The following LUZP2 variants were observed in gnomAD, a reference collection of about 807,000 sequenced individuals.
The protein encoded by LUZP2 is leucine zipper protein 2.
LUZP2 carries 52 observed loss-of-function variants against 51.6 expected under a neutral mutation model. The ratio of observed to expected loss-of-function variants is 1.01; its 90% CI spans 0.81 to 1.27. The LOEUF is 1.27. LUZP2 is among the 50% of genes most tolerant of loss of function. The pLI, the probability that LUZP2 is intolerant of heterozygous loss-of-function variation, is 0.00. For missense variants in LUZP2, 436 were observed against 395.4 expected (o/e 1.10, Z -0.87); for synonymous variants, 154 against 137.3 (o/e 1.12, Z -0.85).
chr11:24,651,434 A>G (rs1438666763), intron 1 of LUZP2, among the ~76,000 whole-genome samples: 2 of 152,116 alleles, frequency 1.3e-5, no homozygotes, highest in Admixed American at 6.6e-5. Context: ...CTTATTAGTT[A>G]TATTCCATTC....
chr11:24,981,828 A>T (rs1856040076), intron 8 of LUZP2, among the ~76,000 whole-genome samples: 1 of 151,992 alleles, frequency 6.6e-6, no homozygotes, highest in Admixed American at 6.6e-5. Flanking sequence ...CAGACAACCT[A>T]TAGAATAGGT....
intron 7 of LUZP2, among the ~76,000 whole-genome samples, chr11:24,948,747 T>C (rs1854974393): frequency 6.6e-6 from 1 of 151,650 alleles, no homozygotes; most frequent in African/African-American, 2.4e-5. Flanking sequence ...GATCCAGAAG[T>C]ATTTCTTCCA....
chr11:24,956,016 A>G (rs1855200604), intron 7 of LUZP2, among the ~76,000 whole-genome samples: 1 of 152,066 alleles, frequency 6.6e-6, no homozygotes, highest in Non-Finnish European at 1.5e-5. Context: ...AGTTGCAGCA[A>G]TCTAGTCAAG....
intron 1 of LUZP2, among the ~76,000 whole-genome samples, chr11:24,681,816 G>A (rs1856745758): frequency 6.6e-6 from 1 of 152,082 alleles, no homozygotes; most frequent in Non-Finnish European, 1.5e-5. Flanking sequence ...CATTAGTTCA[G>A]CAAGCATCAC....
At chr11:24,962,154 A>G (rs6484087) in intron 7 of LUZP2, among the ~76,000 whole-genome samples, 151,089 of 152,164 alleles carry the variant, frequency 0.99, 75,028 homozygotes, top group Middle Eastern at 1. Flanking sequence ...TGGGTAACCC[A>G]ACCTTTCTCT....
chr11:25,063,165 A>G (rs1261452322), intron 10 of LUZP2, among the ~76,000 whole-genome samples: 1 of 151,834 alleles, frequency 6.6e-6, no homozygotes, highest in African/African-American at 2.4e-5. Context: ...ATATAGTGTA[A>G]CAACTATTTA....
chr11:24,850,222 G>T (rs1279639041), intron 5 of LUZP2, among the ~76,000 whole-genome samples: 2 of 152,146 alleles, frequency 1.3e-5, no homozygotes, highest in Non-Finnish European at 2.9e-5. Context: ...GAATGGTATT[G>T]CCTAGGTTTT....
chr11:24,836,656 A>T lies in LUZP2; in HGVS notation c.397-69335A>T, dbSNP rs147194865. 3.2e-4 allele frequency among the ~76,000 whole-genome samples: 49 copies of T among 152,014 alleles called. No individual in the cohort carries two copies. In the East Asian group the frequency reaches 9.3e-3, roughly 29 times the overall value. ...ACATCACAATAGCCAAAGTTAAGAG[A>T]TACTACACAAGGGAACTGATTTGTA... On this transcript the variant is annotated intron_variant, in intron 5 of 11. Transcript: ENST00000336930.
At chr11:24,974,900 A>T (rs919865097) in intron 7 of LUZP2, among the ~76,000 whole-genome samples, 3 of 152,016 alleles carry the variant, frequency 2.0e-5, no homozygotes, top group African/African-American at 7.2e-5. Flanking sequence ...TTATGGTAAA[A>T]CATATGATTT....
At chr11:24,549,944 T>C (rs1851676474) in intron 1 of LUZP2, among the ~76,000 whole-genome samples, 1 of 152,038 alleles carries the variant, frequency 6.6e-6, no homozygotes, top group African/African-American at 2.4e-5. Context: ...GACACGACCA[T>C]CATGTCCTAG....
In LUZP2 at chr11:24,528,272, A is replaced by T. The variant is rs556195723; in HGVS notation, c.62+30967A>T. Among the ~76,000 whole-genome samples the T allele has an allele frequency of 8.8e-4, 132 of 150,284 alleles. 2 individuals are homozygous for T. Among genetic ancestry groups the T allele is most frequent in the African/African-American group, 3.1e-3 (127 of 41,180 alleles). On this transcript the variant is annotated intron_variant, in intron 1 of 11. Coordinates refer to ENST00000336930, the MANE Select transcript of LUZP2 (RefSeq NM_001009909.4). Reference sequence around the variant, plus strand: ...TCCTCTTGAGAGAAGCACTGGTTTAAAAAAAAAAGTTAAGTTTCCTTACTG... The same window carrying T: ...TCCTCTTGAGAGAAGCACTGGTTTATAAAAAAAAGTTAAGTTTCCTTACTG...
At chr11:24,829,003 T>C (rs1850620773) in intron 5 of LUZP2, among the ~76,000 whole-genome samples, 1 of 152,122 alleles carries the variant, frequency 6.6e-6, no homozygotes, top group Non-Finnish European at 1.5e-5. Flanking sequence ...CTCCTGTGCC[T>C]TTTTCAAATG....
At chr11:24,603,026 A>T (rs1157660354) in intron 1 of LUZP2, among the ~76,000 whole-genome samples, 1 of 151,852 alleles carries the variant, frequency 6.6e-6, no homozygotes, top group Non-Finnish European at 1.5e-5. Flanking sequence ...GTGATTTCCA[A>T]ATTTCTAAAG....
chr11:24,560,057 G>A (rs1408998473), intron 1 of LUZP2, among the ~76,000 whole-genome samples: 1 of 152,052 alleles, frequency 6.6e-6, no homozygotes, highest in African/African-American at 2.4e-5. Flanking sequence ...AAACCCCCAT[G>A]GCATGTGTAT....
chr11:25,013,561 G>A (rs1034662897), intron 9 of LUZP2, among the ~76,000 whole-genome samples: 25 of 151,896 alleles, frequency 1.6e-4, no homozygotes, highest in African/African-American at 5.8e-4. Flanking sequence ...TATAACTATG[G>A]CTTATTTCCT....
Position 24,626,569 on chromosome 11 carries a change from G to A in LUZP2, c.63-102600G>A, listed in dbSNP as rs958732172. ...TTTCAGTCAGTTGTAAGGATGAGAT[G>A]GGAGACCAGAAATCAATGAAACACA... On this transcript the variant is annotated intron_variant, in intron 1 of 11. Coordinates refer to ENST00000336930, the MANE Select transcript of LUZP2 (RefSeq NM_001009909.4). 1.6e-4 allele frequency among the ~76,000 whole-genome samples: 24 copies of A among 152,094 alleles called. 2 individuals are homozygous for A. The highest frequency in any genetic ancestry group is 1.5e-5 in the Non-Finnish European group (1 of 68,012).
At chr11:24,880,115 C>A (rs1044484126) in intron 5 of LUZP2, among the ~76,000 whole-genome samples, 3 of 152,174 alleles carry the variant, frequency 2.0e-5, no homozygotes, top group Non-Finnish European at 4.4e-5. Context: ...GTGATGCCTG[C>A]CAAAACTCAA....
At chr11:24,977,417 G>A (rs1449527684) in intron 8 of LUZP2, among the ~76,000 whole-genome samples, 2 of 151,514 alleles carry the variant, frequency 1.3e-5, no homozygotes, top group Non-Finnish European at 3.0e-5. Context: ...GTAGAAATTT[G>A]ACATGTATAT....
At chr11:25,012,946 A>C (rs1427932092) in intron 9 of LUZP2, among the ~76,000 whole-genome samples, 1 of 152,224 alleles carries the variant, frequency 6.6e-6, no homozygotes, top group Non-Finnish European at 1.5e-5. Context: ...CACTCTTCAC[A>C]ATAGCAAATA....
Sources: allele counts gnomAD v4.1 joint callset (sites outside exome capture counted in the v4.1 genomes callset), GRCh38; gene constraint gnomAD v4.1.1; transcripts MANE v1.5; gene names NCBI Gene and HGNC (gene_info 2026-07-23, HGNC 2026-07-21).